CROCC: variants seen among roughly 807,000 people sequenced by gnomAD.
CROCC encodes the protein rootletin.
CROCC carries 180 observed loss-of-function variants against 245.2 expected under a neutral mutation model. That is an observed-to-expected ratio of 0.73 (90% CI 0.65 to 0.83). The LOEUF (loss-of-function observed/expected upper bound fraction) is 0.83, where lower values mean the gene tolerates loss of function less well. CROCC is among the 40% of genes least tolerant of loss of function. The pLI, the probability that CROCC is intolerant of heterozygous loss-of-function variation, is 0.00. For synonymous variants in CROCC, 1,205 were observed against 1,241.6 expected, an observed-to-expected ratio of 0.97 and a Z score of 0.62; for missense variants, 2,688 against 2,779.4, an observed-to-expected ratio of 0.97 and a Z score of 0.74.
chr1:16,969,308 A>T lies in CROCC; in HGVS notation c.5269A>T (p.Thr1757Ser), dbSNP rs368393532. Residue 1757 changes from threonine to serine, a missense_variant, in exon 32 of 37, where the codon ACC (threonine) becomes TCC (serine). This residue lies in a region of CROCC where 1,218 missense variants were observed against 1,286.3 expected (regional missense o/e 0.95). Coordinates refer to ENST00000375541, the MANE Select transcript of CROCC (RefSeq NM_014675.5). ...GAACCTGCATCTGCAGAAGGCTCTGACCGCCTGTGAACATGACCGCCAAGT... is the reference window on the plus strand; with the variant it reads ...GAACCTGCATCTGCAGAAGGCTCTGTCCGCCTGTGAACATGACCGCCAAGT... The part of the protein sequence containing the change: ...DKNLHLQKAL[T>S]ACEHDRQVLQ... 5.0e-6 allele frequency: 8 copies of T among 1,611,524 alleles called. No individual in the cohort carries two copies. In the African/African-American group the frequency reaches 1.1e-4, roughly 22 times the overall value.
intron 3 of CROCC, among the ~76,000 whole-genome samples, chr1:16,927,394 T>A (rs144676256): frequency 2.2e-4 from 33 of 152,338 alleles, no homozygotes; most frequent in African/African-American, 7.9e-4. Flanking sequence ...TATGCCCAGA[T>A]GCACAAAGTG....
upstream of CROCC, among the ~76,000 whole-genome samples, chr1:16,920,556 T>C (rs1316101178): frequency 2.0e-5 from 3 of 152,272 alleles, no homozygotes; most frequent in Non-Finnish European, 4.4e-5. Flanking sequence ...TTCAAGGTCT[T>C]ACTGTCTTGA....
chr1:16,946,776 T>C lies in CROCC; in HGVS notation c.2299T>C (p.Ser767Pro). The C allele has an allele frequency of 6.4e-7, 1 of 1,551,504 alleles. No homozygotes were observed. Among genetic ancestry groups the C allele is most frequent in the East Asian group, 2.4e-5 (1 of 40,946 alleles). ...TGGCCTCCAGCTGGAGGAAGAAAAGTCCGCCCTGCAGGGCCGGCAACGGCA... is the reference window on the plus strand; with the variant it reads ...TGGCCTCCAGCTGGAGGAAGAAAAGCCCGCCCTGCAGGGCCGGCAACGGCA... ...RLVAQLEEEK[S>P]ALQGRQRQAE... The change falls in exon 17 of 37, where the codon TCC becomes CCC. Residue 767 changes from serine to proline, a missense_variant. Coordinates refer to ENST00000375541, the MANE Select transcript of CROCC (RefSeq NM_014675.5).
intron 3 of CROCC, 140 bp downstream of exon 3, chr1:16,924,619 C>A: frequency 8.7e-7 from 1 of 1,150,054 alleles, no homozygotes; most frequent in Non-Finnish European, 1.2e-6. Context: ...GGCTCTGCCA[C>A]CTTGAGTGGC....
intron 13 of CROCC, among the ~76,000 whole-genome samples, chr1:16,943,307 G>A (rs2075971814): frequency 6.6e-6 from 1 of 152,228 alleles, no homozygotes; most frequent in African/African-American, 2.4e-5. Flanking sequence ...GGAGGCCGAG[G>A]CGGGCAGGTC....
At chr1:16,920,222 G>A (rs1216386163), upstream of CROCC, among the ~76,000 whole-genome samples, 1 of 152,270 alleles carries the variant, frequency 6.6e-6, no homozygotes, top group Non-Finnish European at 1.5e-5. Flanking sequence ...GGGACTACAG[G>A]TGTGCACCAC....
intron 8 of CROCC, among the ~76,000 whole-genome samples, chr1:16,936,087 G>C (rs1272759643): frequency 2.0e-5 from 3 of 152,094 alleles, no homozygotes; most frequent in African/African-American, 4.8e-5. Context: ...TCTGAGAGTG[G>C]ACAAATGGCA....
chr1:16,968,956 G>A (rs1570719106), intron 31 of CROCC, 160 bp from the exon 32 acceptor site: 1 of 769,322 alleles, frequency 1.3e-6, no homozygotes, highest in East Asian at 2.7e-5. Context: ...AGTAGGCTGA[G>A]CCAGCAGGAG....
chr1:16,967,751 G>T (rs2076442618), intron 30 of CROCC, among the ~76,000 whole-genome samples: 1 of 152,172 alleles, frequency 6.6e-6, no homozygotes, highest in Admixed American at 6.5e-5. Flanking sequence ...ATCACCACCT[G>T]AAACCCTAGA....
intron 35 of CROCC, 197 bp downstream of exon 35, chr1:16,970,964 T>G (rs1332821795): frequency 9.2e-6 from 5 of 540,638 alleles, no homozygotes; most frequent in Non-Finnish European, 1.5e-5. Flanking sequence ...AAGGCCTGTT[T>G]GCACGTGAGC....
chr1:16,928,618 A>G (rs1432626676), intron 3 of CROCC, among the ~76,000 whole-genome samples: 9 of 152,036 alleles, frequency 5.9e-5, no homozygotes, highest in Non-Finnish European at 1.3e-4. Flanking sequence ...CCTGGCCAAC[A>G]TAGTGAAACC....
Position 16,954,944 on chromosome 1 carries a change from T to TC in CROCC, c.3465+71dup. The TC allele has an allele frequency of 7.0e-7, 1 of 1,436,602 alleles. No individual in the cohort carries two copies. The highest frequency in any genetic ancestry group is 1.8e-4 in the Middle Eastern group (1 of 5,484). The allele number at this position is 1,436,602 out of a possible 1,614,324, so 89.0% of individuals were successfully genotyped here. ...GGCACTGTGTGCCTGGGGGCCTAGT[T>TC]CCCCAGGGCCCCAGAAGAGTGTAAG... is the stretch of plus-strand genomic sequence containing the variant. On this transcript the variant is annotated intron_variant, in intron 23 of 36. Transcript: ENST00000375541. The surrounding 1 kb of genome is among the most constrained non-coding windows in gnomAD (Gnocchi z 4.4).
intron 27 of CROCC, among the ~76,000 whole-genome samples, chr1:16,963,507 C>T (rs963931686): frequency 1.4e-4 from 21 of 152,200 alleles, no homozygotes; most frequent in Admixed American, 2.6e-4. Context: ...CCCCCAGGGG[C>T]AGGCCTGCTT....
chr1:16,938,839 C>A (rs1276327232), intron 11 of CROCC, 70 bp from the exon 12 acceptor site: 14 of 1,451,436 alleles, frequency 9.6e-6, no homozygotes, highest in Middle Eastern at 1.7e-4. Context: ...CTCACCTGGG[C>A]GTCTTTGCCC....
intron 13 of CROCC, among the ~76,000 whole-genome samples, chr1:16,942,272 A>G (rs1400048271): frequency 6.6e-6 from 1 of 152,276 alleles, no homozygotes; most frequent in Non-Finnish European, 1.5e-5. Flanking sequence ...TACTGGGATT[A>G]TAGGTGTGAG....
intron 27 of CROCC, among the ~76,000 whole-genome samples, chr1:16,963,056 G>A (rs977784179): frequency 1.3e-5 from 2 of 151,424 alleles, no homozygotes; most frequent in Admixed American, 6.6e-5. Flanking sequence ...GGTGGCAGAC[G>A]CCTGTAATCC....
intron 1 of CROCC, among the ~76,000 whole-genome samples, chr1:16,916,147 C>T (rs2075300998): frequency 6.7e-6 from 1 of 149,180 alleles, no homozygotes; most frequent in South Asian, 2.1e-4. Context: ...CACTGCACTC[C>T]AGCTCAGGCC....
At chr1:16,950,727 T>C (rs544030257) in intron 19 of CROCC, among the ~76,000 whole-genome samples, 1 of 152,370 alleles carries the variant, frequency 6.6e-6, no homozygotes, top group African/African-American at 2.4e-5. Context: ...ATGCCTTTAA[T>C]GCCATTCTAG....
intron 19 of CROCC, among the ~76,000 whole-genome samples, chr1:16,950,462 G>A (rs1202532255): frequency 6.1e-5 from 9 of 148,312 alleles, no homozygotes; most frequent in Non-Finnish European, 1.3e-4. Flanking sequence ...GGGTTCAAGC[G>A]ATTCTCCTGC....
Sources: gnomAD v4.1 joint callset for allele counts (sites outside exome capture counted in the v4.1 genomes callset) on GRCh38, gnomAD v4.1.1 for gene constraint, gnomAD v4.1.1 regional missense constraint, Gnocchi (gnomAD v3.1) non-coding constraint, MANE v1.5 for transcripts, NCBI Gene and HGNC (gene_info 2026-07-23, HGNC 2026-07-21) for gene names.